MTUS2: variants seen among roughly 807,000 people sequenced by gnomAD.
The protein encoded by MTUS2 is microtubule-associated tumor suppressor candidate 2.
MTUS2 carries 40 observed loss-of-function variants against 114.1 expected under a neutral mutation model. The observed-to-expected ratio is 0.35, with a 90% CI of 0.27 to 0.46. The LOEUF is 0.46. MTUS2 is among the 20% of genes least tolerant of loss of function. The pLI, the probability that MTUS2 is intolerant of heterozygous loss-of-function variation, is 1.00. For missense variants in MTUS2, 1,679 were observed against 1,705.4 expected (o/e 0.98, Z 0.27); for synonymous variants, 688 against 672.0 (o/e 1.02, Z -0.37).
At chr13:28,979,776 A>G (rs1039295280) in intron 2 of MTUS2, among the ~76,000 whole-genome samples, 66 of 152,198 alleles carry the variant, frequency 4.3e-4, no homozygotes, top group African/African-American at 1.4e-3. Flanking sequence ...TTCCCAGAAT[A>G]CACTGCAGCA....
chr13:28,880,237 C>T (rs1878209705), intron 2 of MTUS2, among the ~76,000 whole-genome samples: 1 of 152,202 alleles, frequency 6.6e-6, no homozygotes, highest in South Asian at 2.1e-4. Flanking sequence ...GTTGAAATCT[C>T]ATTTCCTTCC....
chr13:29,325,325 T>G (rs4769716), intron 7 of MTUS2, among the ~76,000 whole-genome samples: 93,063 of 151,240 alleles, frequency 0.62, 29,375 homozygotes, highest in East Asian at 0.76. Context: ...GTGTGATGGC[T>G]TTCGCCTGTA....
At chr13:29,288,986 A>G (rs1297660267) in intron 6 of MTUS2, among the ~76,000 whole-genome samples, 1 of 152,228 alleles carries the variant, frequency 6.6e-6, no homozygotes, top group East Asian at 1.9e-4. Context: ...ATATGCAAAA[A>G]CAAATCTAGC....
chr13:29,407,733 C>G (rs866143039), intron 8 of MTUS2, among the ~76,000 whole-genome samples: 3 of 152,048 alleles, frequency 2.0e-5, no homozygotes, highest in South Asian at 4.1e-4. Flanking sequence ...CCTGCCGCAG[C>G]CTCCCAAAGT....
rs1357945704 is a variant in MTUS2, at chr13:29,033,941, A to G, written c.2262A>G (p.Glu754=). The G allele has an allele frequency of 6.2e-7, 1 of 1,614,028 alleles. No individual in the cohort carries two copies. The highest frequency in any genetic ancestry group is 8.5e-7 in the Non-Finnish European group (1 of 1,179,884). The change falls in exon 4 of 16, where the codon GAA becomes GAG. Residue 754 remains glutamate, a synonymous_variant. Transcript: ENST00000612955. ...EFCSPPYAHY[E]VPPTFYRSAM... The stretch of plus-strand genomic sequence containing the variant: ...GTTCTCCTCCCTATGCTCATTATGA[A>G]GTCCCTCCAACTTTCTATCGGTCAG...
At chr13:28,959,101 GGTAA>G (rs1383242486) in intron 2 of MTUS2, among the ~76,000 whole-genome samples, 1 of 152,062 alleles carries the variant, frequency 6.6e-6, no homozygotes, top group Non-Finnish European at 1.5e-5. Context: ...AGAAGCAGCT[GGTAA>G]CCCAGAAGAG....
At chr13:29,200,846 T>C (rs1445837487) in intron 5 of MTUS2, among the ~76,000 whole-genome samples, 1 of 152,188 alleles carries the variant, frequency 6.6e-6, no homozygotes, top group Non-Finnish European at 1.5e-5. Flanking sequence ...TCCCGAGTTC[T>C]AATTTGATTG....
intron 2 of MTUS2, among the ~76,000 whole-genome samples, chr13:28,948,202 A>T (rs958995855): frequency 2.6e-5 from 4 of 152,170 alleles, no homozygotes; most frequent in African/African-American, 9.7e-5. Flanking sequence ...CTAAGTGTTC[A>T]TTAGCCAGCT....
intron 2 of MTUS2, among the ~76,000 whole-genome samples, chr13:28,960,473 A>G (rs1883276699): frequency 1.3e-5 from 2 of 152,236 alleles, no homozygotes; most frequent in Admixed American, 1.3e-4. Context: ...TAGAAACAAT[A>G]CAAGTGCATA....
At chr13:29,132,222 A>T (rs1242769526) in intron 5 of MTUS2, among the ~76,000 whole-genome samples, 1 of 152,194 alleles carries the variant, frequency 6.6e-6, no homozygotes, top group Non-Finnish European at 1.5e-5. Context: ...ATAGAACTTA[A>T]CCTGGAGAGA....
At chr13:29,270,887 C>G (rs562497019) in intron 5 of MTUS2, among the ~76,000 whole-genome samples, 1 of 152,214 alleles carries the variant, frequency 6.6e-6, no homozygotes, top group Non-Finnish European at 1.5e-5. Context: ...GCTCTGAGGG[C>G]AAGCCCGGGG....
intron 9 of MTUS2, among the ~76,000 whole-genome samples, chr13:29,479,461 C>T (rs1267554930): frequency 6.6e-6 from 1 of 152,332 alleles, no homozygotes; most frequent in African/African-American, 2.4e-5. Context: ...GTCATTGCCT[C>T]ATGCCCTGTT....
At chr13:29,305,841 A>G (rs1170649573) in intron 6 of MTUS2, among the ~76,000 whole-genome samples, 1 of 152,186 alleles carries the variant, frequency 6.6e-6, no homozygotes, top group African/African-American at 2.4e-5. Flanking sequence ...CAAAAAGAGA[A>G]AACTTCAGGC....
At chr13:29,362,398 C>T (rs1037053891) in intron 8 of MTUS2, among the ~76,000 whole-genome samples, 14 of 152,288 alleles carry the variant, frequency 9.2e-5, no homozygotes, top group South Asian at 8.3e-4. Context: ...GGTGAAAACA[C>T]AGTCAAAGCC....
chr13:29,084,054 T>A (rs1475366908), intron 4 of MTUS2, among the ~76,000 whole-genome samples: 1 of 152,152 alleles, frequency 6.6e-6, no homozygotes, highest in African/African-American at 2.4e-5. Context: ...TATTATAGAT[T>A]ATAATTATAG....
rs1303568212 is a variant in MTUS2 at position 29,033,949 on chromosome 13, C to T, written c.2270C>T (p.Pro757Leu). Residue 757 changes from proline (P) to leucine (L), a missense_variant, in exon 4 of 16, where the codon CCA (proline) becomes CTA (leucine). By Grantham distance (98) the Pro-to-Leu change is moderately conservative. Around this residue, in one of 3 missense-constraint regions of MTUS2, gnomAD observed 822 missense variants for 899.7 expected, o/e 0.91. Coordinates refer to ENST00000612955, the MANE Select transcript of MTUS2 (RefSeq NM_001033602.4). ...CCCTATGCTCATTATGAAGTCCCTCCAACTTTCTATCGGTCAGCCATGCTC... is the reference window on the plus strand; with the variant it reads ...CCCTATGCTCATTATGAAGTCCCTCTAACTTTCTATCGGTCAGCCATGCTC... ...SPPYAHYEVP[P>L]TFYRSAMLLK... 6.2e-7 allele frequency: 1 copy of T among 1,613,976 alleles called. No homozygotes were observed. The highest frequency in any genetic ancestry group is 1.1e-5 in the South Asian group (1 of 91,070).
intron 4 of MTUS2, among the ~76,000 whole-genome samples, chr13:29,047,607 G>A (rs1450945240): frequency 1.3e-5 from 2 of 151,222 alleles, no homozygotes; most frequent in Non-Finnish European, 2.9e-5. Context: ...TCTGCCTCCC[G>A]GGTTCATGCC....
At chr13:29,218,990 AC>A (rs1895795683) in intron 5 of MTUS2, among the ~76,000 whole-genome samples, 1 of 145,118 alleles carries the variant, frequency 6.9e-6, no homozygotes, top group Admixed American at 6.9e-5. Context: ...TTTTTATTAT[AC>A]TTTAAGTTTT....
chr13:29,106,165 A>G (rs1274865492), intron 5 of MTUS2, among the ~76,000 whole-genome samples: 1 of 151,974 alleles, frequency 6.6e-6, no homozygotes, highest in Non-Finnish European at 1.5e-5. Flanking sequence ...CTCTAGAACT[A>G]CTCACCTGCA....
Sources: gnomAD v4.1 joint callset for allele counts (sites outside exome capture counted in the v4.1 genomes callset) on GRCh38, gnomAD v4.1.1 for gene constraint, gnomAD v4.1.1 regional missense constraint, MANE v1.5 for transcripts, NCBI Gene and HGNC (gene_info 2026-07-23, HGNC 2026-07-21) for gene names.